Variants in GRIA4 observed in about 807,000 individuals in gnomAD.
GRIA4 encodes the protein glutamate receptor 4.
Under a neutral mutation model 104.0 loss-of-function variants are expected in GRIA4, and 34 were observed. The ratio of observed to expected loss-of-function variants is 0.33; its 90% CI spans 0.25 to 0.44. The LOEUF (loss-of-function observed/expected upper bound fraction) is 0.44. GRIA4 is among the 20% of genes least tolerant of loss of function. The probability of loss-of-function intolerance (pLI) is 1.00; values close to 1 mark genes in which losing one functional copy is unlikely to be tolerated. For missense variants in GRIA4, 750 were observed against 1,096.5 expected (o/e 0.68, Z 4.46); for synonymous variants, 386 against 381.9 (o/e 1.01, Z -0.13).
chr11:105,882,518 G>T (rs984286916), intron 5 of GRIA4, among the ~76,000 whole-genome samples: 1 of 152,110 alleles, frequency 6.6e-6, no homozygotes, highest in East Asian at 1.9e-4. Context: ...TAATATGTTA[G>T]TGTTTCTGAC....
intron 4 of GRIA4, among the ~76,000 whole-genome samples, chr11:105,772,797 C>A (rs1386610387): frequency 1.3e-5 from 2 of 151,768 alleles, no homozygotes; most frequent in African/African-American, 2.4e-5. Context: ...TAAACTTTTC[C>A]ATAAGTTAAA....
At chr11:105,973,111 T>C (rs1482891957) in intron 15 of GRIA4, among the ~76,000 whole-genome samples, 1 of 152,110 alleles carries the variant, frequency 6.6e-6, no homozygotes, top group East Asian at 1.9e-4. Context: ...CAAGTGCAAA[T>C]ACTTAATGAG....
chr11:105,724,927 A>C (rs1002466278), intron 3 of GRIA4, among the ~76,000 whole-genome samples: 2 of 152,200 alleles, frequency 1.3e-5, no homozygotes, highest in Non-Finnish European at 2.9e-5. Context: ...AAAATAATGA[A>C]GAGGTTGTCT....
At chr11:105,935,888 A>G (rs1300255763) in intron 14 of GRIA4, among the ~76,000 whole-genome samples, 1 of 152,150 alleles carries the variant, frequency 6.6e-6, no homozygotes, top group Non-Finnish European at 1.5e-5. Context: ...GAACTGTATA[A>G]TAATCACCCA....
chr11:105,852,384 G>A (rs1944843505), intron 4 of GRIA4, among the ~76,000 whole-genome samples: 1 of 152,086 alleles, frequency 6.6e-6, no homozygotes, highest in African/African-American at 2.4e-5. Context: ...TACAGCTATA[G>A]AAAAGATTAT....
chr11:105,865,146 C>T (rs1945359180), intron 5 of GRIA4, among the ~76,000 whole-genome samples: 1 of 152,114 alleles, frequency 6.6e-6, no homozygotes, highest in Non-Finnish European at 1.5e-5. Flanking sequence ...CTCATTCAAG[C>T]ATTTCAAAAT....
chr11:105,612,934 A>G (rs2166318), intron 3 of GRIA4: 60,149 of 153,654 alleles, frequency 0.39, 12,653 homozygotes, highest in South Asian at 0.58. Context: ...GAGGATATAT[A>G]TTTGAGTCGG....
intron 4 of GRIA4, among the ~76,000 whole-genome samples, chr11:105,846,557 A>G (rs1944604606): frequency 6.6e-6 from 1 of 152,194 alleles, no homozygotes; most frequent in African/African-American, 2.4e-5. Context: ...AAGAAATAGA[A>G]GCCAAAGCCA....
chr11:105,852,165 TG>T (rs1407370372), intron 4 of GRIA4, among the ~76,000 whole-genome samples: 2 of 152,136 alleles, frequency 1.3e-5, no homozygotes, highest in Non-Finnish European at 2.9e-5. Context: ...GATAAGTAAA[TG>T]ACTAATGACC....
intron 5 of GRIA4, among the ~76,000 whole-genome samples, chr11:105,866,549 G>GTATATATATATATATATATATATA (rs1345654796): frequency 3.8e-5 from 3 of 78,264 alleles, no homozygotes; most frequent in Non-Finnish European, 5.4e-5. Flanking sequence ...GTGTGTGTGT[G>GTATATATATATATATATATATATA]TGTATATATA....
intron 14 of GRIA4, among the ~76,000 whole-genome samples, chr11:105,962,598 A>G (rs780865204): frequency 6.6e-6 from 1 of 152,126 alleles, no homozygotes; most frequent in Non-Finnish European, 1.5e-5. Context: ...GGCCCGAATC[A>G]AATTCCCTGT....
chr11:105,898,696 T>A (rs1041902666), intron 7 of GRIA4, among the ~76,000 whole-genome samples: 1 of 152,130 alleles, frequency 6.6e-6, no homozygotes, highest in Non-Finnish European at 1.5e-5. Context: ...AAATTTTTTT[T>A]AATTGTTAAC....
chr11:105,976,373 C>T (rs763208885), intron 16 of GRIA4, among the ~76,000 whole-genome samples: 19 of 151,968 alleles, frequency 1.3e-4, no homozygotes, highest in South Asian at 6.2e-4. Context: ...TAAATTCCCA[C>T]GTCATATATA....
intron 4 of GRIA4, 23 bp from the exon 5 acceptor site, chr11:105,862,001 G>T: frequency 9.2e-6 from 14 of 1,526,802 alleles, no homozygotes; most frequent in South Asian, 5.7e-5. Flanking sequence ...CATGTTTTTA[G>T]TAACTTTTTT....
chr11:105,808,101 G>A (rs1484313072), intron 4 of GRIA4, among the ~76,000 whole-genome samples: 2 of 151,788 alleles, frequency 1.3e-5, no homozygotes, highest in East Asian at 1.9e-4. Flanking sequence ...GCATTTCATA[G>A]TGTTGTTCGT....
At chr11:105,817,148 C>T (rs906997196) in intron 4 of GRIA4, among the ~76,000 whole-genome samples, 10 of 151,944 alleles carry the variant, frequency 6.6e-5, no homozygotes, top group African/African-American at 2.4e-4. Context: ...CTGCAATTTC[C>T]TCATCTTTAA....
intron 4 of GRIA4, among the ~76,000 whole-genome samples, chr11:105,859,411 C>G (rs1945135866): frequency 6.6e-6 from 1 of 152,106 alleles, no homozygotes; most frequent in Non-Finnish European, 1.5e-5. Context: ...GATTCCAATT[C>G]TAGTGTCATT....
intron 5 of GRIA4, among the ~76,000 whole-genome samples, chr11:105,881,222 C>T (rs1161398848): frequency 6.6e-6 from 1 of 152,116 alleles, no homozygotes; most frequent in Non-Finnish European, 1.5e-5. Flanking sequence ...TACTTATGTA[C>T]CAACTCCTCT....
intron 4 of GRIA4, among the ~76,000 whole-genome samples, chr11:105,782,703 G>A (rs1448063570): frequency 1.3e-5 from 2 of 152,116 alleles, no homozygotes; most frequent in Non-Finnish European, 2.9e-5. Context: ...ACTATTATAG[G>A]TAAATTTTTG....
Sources: allele counts gnomAD v4.1 joint callset (sites outside exome capture counted in the v4.1 genomes callset), GRCh38; gene constraint gnomAD v4.1.1; transcripts MANE v1.5; gene names NCBI Gene and HGNC (gene_info 2026-07-23, HGNC 2026-07-21).